The following GNG2 variants were observed in gnomAD, a reference collection of about 807,000 sequenced individuals.
GNG2 encodes the protein guanine nucleotide-binding protein G(I)/G(S)/G(O) subunit gamma-2.
Under a neutral mutation model 5.5 loss-of-function variants are expected in GNG2, and 5 were observed. The ratio of observed to expected loss-of-function variants is 0.91; its 90% CI spans 0.48 to 1.92. The LOEUF (loss-of-function observed/expected upper bound fraction) is 1.92, where lower values mean the gene tolerates loss of function less well. GNG2 is among the 30% of genes most tolerant of loss of function. The pLI is 0.01. For synonymous variants in GNG2, 28 were observed against 32.0 expected (o/e 0.88, Z 0.42); for missense variants, 55 against 88.4 (o/e 0.62, Z 1.52).
chr14:51,833,791 G>A (rs1432330250), intron 2 of GNG2, among the ~76,000 whole-genome samples: 1 of 152,216 alleles, frequency 6.6e-6, no homozygotes, highest in South Asian at 2.1e-4. Context: ...GTTCATCACA[G>A]CAGTATTGCT....
intron 2 of GNG2, among the ~76,000 whole-genome samples, chr14:51,922,844 G>A (rs1332922505): frequency 6.6e-6 from 1 of 152,120 alleles, no homozygotes; most frequent in East Asian, 1.9e-4. Context: ...TCTCAATAGA[G>A]TCCAGTCAAA....
At chr14:51,931,555 GT>G (rs1887658811) in intron 2 of GNG2, among the ~76,000 whole-genome samples, 2 of 152,096 alleles carry the variant, frequency 1.3e-5, no homozygotes, top group African/African-American at 2.4e-5. Flanking sequence ...GATCACTGAG[GT>G]GGGTGAGTGT....
chr14:51,915,279 T>A (rs1886547581), intron 2 of GNG2, among the ~76,000 whole-genome samples: 1 of 152,210 alleles, frequency 6.6e-6, no homozygotes, highest in Admixed American at 6.5e-5. Flanking sequence ...GGATGGCAGC[T>A]TTGGATTGAG....
chr14:51,939,415 T>C (rs76841761), intron 2 of GNG2, among the ~76,000 whole-genome samples: 4,810 of 152,252 alleles, frequency 0.032, 180 homozygotes, highest in East Asian at 0.14. Context: ...GGCTGCATCT[T>C]GTAAAGTTAA....
At chr14:51,928,589 C>T (rs937798599) in intron 2 of GNG2, among the ~76,000 whole-genome samples, 1 of 152,090 alleles carries the variant, frequency 6.6e-6, no homozygotes, top group South Asian at 2.1e-4. Flanking sequence ...CTGTGGCAAA[C>T]GGATTCAGTT....
chr14:51,885,463 G>C (rs1884383561), intron 2 of GNG2, among the ~76,000 whole-genome samples: 1 of 151,972 alleles, frequency 6.6e-6, no homozygotes, highest in Non-Finnish European at 1.5e-5. Flanking sequence ...TTTCTTTTGA[G>C]ACCTTCTTTC....
At position 51,957,535 on chromosome 14, in the gene GNG2, A is replaced by T. The variant is rs1228048589; in HGVS notation, c.87+6770A>T. 2.0e-5 allele frequency among the ~76,000 whole-genome samples: 3 copies of T among 152,212 alleles called. 1 individual carries two copies. The highest frequency in any genetic ancestry group is 4.4e-5 in the Non-Finnish European group (3 of 68,032). ...CCAGTTGAGAATAAGTTGTCAAAAGATGTCCTGTCACCTCTGAATACTGTA... is the reference window on the plus strand; with the variant it reads ...CCAGTTGAGAATAAGTTGTCAAAAGTTGTCCTGTCACCTCTGAATACTGTA... On this transcript the variant is annotated intron_variant, in intron 3 of 3. Coordinates refer to ENST00000556766, the MANE Select transcript of GNG2 (RefSeq NM_053064.5).
intron 2 of GNG2, chr14:51,913,969 G>A (rs922097829): frequency 8.3e-6 from 4 of 479,584 alleles, no homozygotes; most frequent in Non-Finnish European, 1.5e-5. Flanking sequence ...TCATATATAT[G>A]AAAAACAATG....
At chr14:51,890,173 AC>A (rs1459812506) in intron 2 of GNG2, among the ~76,000 whole-genome samples, 1 of 152,202 alleles carries the variant, frequency 6.6e-6, no homozygotes, top group Admixed American at 6.5e-5. Flanking sequence ...GTCTTCCTTC[AC>A]CTGGTGAAAC....
chr14:51,949,803 C>G (rs901320051), intron 2 of GNG2, among the ~76,000 whole-genome samples: 3 of 151,764 alleles, frequency 2.0e-5, no homozygotes, highest in Admixed American at 2.0e-4. Context: ...CCAAGATGAA[C>G]AATAATAATA....
intron 2 of GNG2, among the ~76,000 whole-genome samples, chr14:51,906,858 C>A (rs1440122080): frequency 1.3e-5 from 2 of 151,304 alleles, no homozygotes; most frequent in African/African-American, 4.9e-5. Flanking sequence ...AGAGTTCACG[C>A]CATTCTCCTG....
intron 2 of GNG2, among the ~76,000 whole-genome samples, chr14:51,927,998 T>C (rs1445977193): frequency 6.6e-6 from 1 of 150,474 alleles, no homozygotes; most frequent in Non-Finnish European, 1.5e-5. Context: ...GAAGTCTCAA[T>C]TGGGTATTTG....
At chr14:51,950,521 G>A in intron 2 of GNG2, 129 bp from the exon 3 acceptor site, 1 of 594,396 alleles carries the variant, frequency 1.7e-6, no homozygotes, top group Non-Finnish European at 3.0e-6. Flanking sequence ...ACCGACCAAG[G>A]ATGGAGAGGG....
At chr14:51,912,026 G>A (rs1886330739) in intron 2 of GNG2, among the ~76,000 whole-genome samples, 1 of 148,100 alleles carries the variant, frequency 6.8e-6, no homozygotes, top group African/African-American at 2.5e-5. Flanking sequence ...AAGCTCCCAG[G>A]AAATATGTGG....
chr14:51,927,647 C>G (rs1359014100), intron 2 of GNG2, among the ~76,000 whole-genome samples: 1 of 152,158 alleles, frequency 6.6e-6, no homozygotes, highest in African/African-American at 2.4e-5. Flanking sequence ...CCTGTTTTAT[C>G]CCTAGCTCCA....
intron 2 of GNG2, among the ~76,000 whole-genome samples, chr14:51,932,392 C>G (rs891491640): frequency 1.3e-5 from 2 of 151,934 alleles, no homozygotes; most frequent in Middle Eastern, 6.8e-3. Flanking sequence ...ATAAGCCAGT[C>G]AGAAAAAGAT....
intron 1 of GNG2, among the ~76,000 whole-genome samples, chr14:51,867,041 T>G (rs920904833): frequency 5.9e-5 from 9 of 152,176 alleles, no homozygotes; most frequent in Non-Finnish European, 1.2e-4. Context: ...CTTTCCTCTT[T>G]CCCTGTAAAC....
intron 3 of GNG2, among the ~76,000 whole-genome samples, chr14:51,956,047 G>A (rs1246198701): frequency 5.3e-5 from 8 of 152,280 alleles, no homozygotes; most frequent in African/African-American, 1.9e-4. Flanking sequence ...CAGCATTTGA[G>A]CTGAGAGTAT....
chr14:51,929,210 G>T (rs1307007090), intron 2 of GNG2, among the ~76,000 whole-genome samples: 2 of 152,200 alleles, frequency 1.3e-5, no homozygotes, highest in African/African-American at 4.8e-5. Context: ...TAAAGGGCCA[G>T]CCAGCAAGTA....
Sources: gnomAD v4.1 joint callset for allele counts (sites outside exome capture counted in the v4.1 genomes callset) on GRCh38, gnomAD v4.1.1 for gene constraint, MANE v1.5 for transcripts, NCBI Gene and HGNC (gene_info 2026-07-23, HGNC 2026-07-21) for gene names.